Variants in MRTO4 observed in about 807,000 individuals in gnomAD.
MRTO4 encodes the protein MRT4 homolog, ribosome maturation factor.
Under a neutral mutation model 28.6 loss-of-function variants are expected in MRTO4, and 7 were observed. The observed-to-expected ratio is 0.24, with a 90% CI of 0.14 to 0.46. The LOEUF (loss-of-function observed/expected upper bound fraction) is 0.46, where lower values mean the gene tolerates loss of function less well. Among genes scored for constraint, MRTO4 ranks in the 20% least tolerant of loss-of-function variants. The pLI is 0.99. For missense variants in MRTO4, 302 were observed against 298.3 expected, an observed-to-expected ratio of 1.01 and a Z score of -0.09; for synonymous variants, 113 against 108.2, an observed-to-expected ratio of 1.04 and a Z score of -0.27.
In MRTO4 at chr1:19,257,554, C is replaced by A. The variant is rs201484934; in HGVS notation, c.341+33C>A. 24 of 1,610,432 alleles carry A rather than the reference C, an allele frequency of 1.5e-5. No homozygotes were observed. In the African/African-American group the frequency reaches 1.9e-4, roughly 13 times the overall value. Reference sequence around the variant, plus strand: ...CTGCTGAGGAACGGAGGGAAAGAGGCGGGTGAGAGGGGATTTCAGGGAGGG... The same window carrying A: ...CTGCTGAGGAACGGAGGGAAAGAGGAGGGTGAGAGGGGATTTCAGGGAGGG... On this transcript the variant is annotated intron_variant, in intron 5 of 7. Transcript: ENST00000330263.
At chr1:19,253,777 G>C (rs1272452140) in intron 1 of MRTO4, among the ~76,000 whole-genome samples, 1 of 152,232 alleles carries the variant, frequency 6.6e-6, no homozygotes, top group Non-Finnish European at 1.5e-5. Flanking sequence ...AGAGAGGCCT[G>C]GGTCCCTTTG....
At chr1:19,253,710 T>C (rs1020368402) in intron 1 of MRTO4, among the ~76,000 whole-genome samples, 9 of 152,210 alleles carry the variant, frequency 5.9e-5, no homozygotes, top group Non-Finnish European at 1.3e-4. Flanking sequence ...ACTGATGTCA[T>C]TGTCTTTGTC....
At chr1:19,254,876 T>C (rs1287278143) in intron 2 of MRTO4, 36 bp downstream of exon 2, 3 of 1,572,290 alleles carry the variant, frequency 1.9e-6, no homozygotes. Context: ...TTGCAATTGT[T>C]TGGTTTATAA....
At chr1:19,258,269 G>A (rs2093674611) in intron 6 of MRTO4, among the ~76,000 whole-genome samples, 1 of 152,080 alleles carries the variant, frequency 6.6e-6, no homozygotes, top group South Asian at 2.1e-4. Flanking sequence ...CTAGCTACAT[G>A]GGAGGCTGAG....
Position 19,258,572 on chromosome 1 carries a change from G to C in MRTO4, c.570+19G>C, listed in dbSNP as rs374640659. On this transcript the variant is annotated intron_variant, in intron 7 of 7. Coordinates refer to ENST00000330263, the MANE Select transcript of MRTO4 (RefSeq NM_016183.4). ...CGTCCTGGTGAGTCTGGCGCCTTGC[G>C]GGCTGTTGCGGGCGGGGTTGCTGGC... 6.2e-7 allele frequency: 1 copy of C among 1,613,870 alleles called. No individual in the cohort carries two copies. The highest frequency in any genetic ancestry group is 8.5e-7 in the Non-Finnish European group (1 of 1,180,044).
chr1:19,257,959 G>A lies in MRTO4; in HGVS notation c.468G>A (p.Leu156=), dbSNP rs751995880. 1.9e-6 allele frequency: 3 copies of A among 1,613,866 alleles called. No individual in the cohort carries two copies. The highest frequency in any genetic ancestry group is 2.7e-5 in the African/African-American group (2 of 74,944). ...CCATGGAGCCACAGCTCAGGCAGCT[G>A]GGCCTGCCCACCGCCCTCAAGAGAG... ...PHSMEPQLRQ[L]GLPTALKRGV... The change falls in exon 6 of 8, where the codon CTG becomes CTA. Residue 156 remains leucine, a synonymous_variant. Transcript: ENST00000330263.
Position 19,257,874 on chromosome 1 carries a change from G to T in MRTO4, c.383G>T (p.Gly128Val), listed in dbSNP as rs757441207. The change falls in exon 6 of 8, where the codon GGT becomes GTT. Residue 128 changes from glycine (G) to valine (V), a missense_variant. Transcript: ENST00000330263. ...ACAGAAATGGACTACGCCCGAGCTG[G>T]TAACAAAGCAGCTTTCACTGTGAGC... is the stretch of plus-strand genomic sequence containing the variant. ...KYTEMDYARA[G>V]NKAAFTVSLD... 1.2e-6 allele frequency: 2 copies of T among 1,614,010 alleles called. No individual in the cohort carries two copies. The highest frequency in any genetic ancestry group is 1.1e-5 in the South Asian group (1 of 91,084).
In MRTO4 at chr1:19,258,751, G is replaced by C; in HGVS notation, c.641G>C (p.Arg214Thr). The change falls in exon 8 of 8, where the codon AGG (arginine) becomes ACG (threonine). Residue 214 changes from arginine (R) to threonine (T), a missense_variant. By Grantham distance (71) the Arg-to-Thr change is moderately conservative (BLOSUM62 -1). Transcript: ENST00000330263. The stretch of plus-strand genomic sequence containing the variant: ...TACATGTGGGATTCACAGTCGGGAA[G>C]GTTCCAGCAGATGGGAGACGACTTG... ...IKYMWDSQSGRFQQMGDDLPE... is the reference protein window; with the variant it reads ...IKYMWDSQSGTFQQMGDDLPE... The C allele has an allele frequency of 1.2e-6, 2 of 1,614,230 alleles. No individual in the cohort carries two copies. Among genetic ancestry groups the C allele is most frequent in the Non-Finnish European group, 8.5e-7 (1 of 1,180,046 alleles).
chr1:19,252,271 G>C (rs2093662751), intron 1 of MRTO4: 1 of 247,434 alleles, frequency 4.0e-6, no homozygotes, highest in Admixed American at 5.1e-5. Flanking sequence ...GTCTGGCGTT[G>C]TGTGTCTGCG....
Position 19,257,826 on chromosome 1 carries a change from C to T in MRTO4, c.342-7C>T, listed in dbSNP as rs2093673782. ...CATCTCCTCCTACCACTTCTCTTTT[C>T]CCTTAGGTGGTTCACGAAATACACA... is the stretch of plus-strand genomic sequence containing the variant. On this transcript the variant is annotated splice_region_variant and splice_polypyrimidine_tract_variant and intron_variant, in intron 5 of 7. Transcript: ENST00000330263. 1 of 1,612,050 alleles carries T rather than the reference C, an allele frequency of 6.2e-7. No individual in the cohort carries two copies. The highest frequency in any genetic ancestry group is 8.5e-7 in the Non-Finnish European group (1 of 1,179,796).
rs766494076 is a variant in MRTO4 at position 19,254,809 on chromosome 1, G to C, written c.56G>C (p.Gly19Ala). The change falls in exon 2 of 8, where the codon GGC (glycine) becomes GCC (alanine). Residue 19 changes from glycine to alanine, a missense_variant. Transcript: ENST00000330263. ...KVSLTKTAKKGLELKQNLIEE... is the reference protein window; with the variant it reads ...KVSLTKTAKKALELKQNLIEE... ...TCCTTAACCAAAACTGCCAAGAAAG[G>C]CTTGGAATTGAAACAAAACCTGATA... 3.1e-6 allele frequency: 5 copies of C among 1,610,080 alleles called. No homozygotes were observed. Among genetic ancestry groups the C allele is most frequent in the African/African-American group, 1.3e-5 (1 of 74,450 alleles).
intron 2 of MRTO4, 126 bp from the exon 3 acceptor site, chr1:19,255,822 G>C: frequency 1.3e-6 from 1 of 743,820 alleles, no homozygotes; most frequent in South Asian, 1.8e-5. Flanking sequence ...CCAAATTAGA[G>C]GCCTCCAGTT....
Position 19,257,522 on chromosome 1 carries a change from G to C in MRTO4, c.341+1G>C. On this transcript the variant is annotated splice_donor_variant, in intron 5 of 7. Coordinates refer to ENST00000330263, the MANE Select transcript of MRTO4 (RefSeq NM_016183.4). LOFTEE classifies it high-confidence loss of function. Reference sequence around the variant, plus strand: ...ACCGCACAAAGGAGGAGGTGAATGAGTAAGTACTGCTGAGGAACGGAGGGA... The same window carrying C: ...ACCGCACAAAGGAGGAGGTGAATGACTAAGTACTGCTGAGGAACGGAGGGA... 1 of 1,614,204 alleles carries C rather than the reference G, an allele frequency of 6.2e-7. No individual in the cohort carries two copies. Among genetic ancestry groups the C allele is most frequent in the Non-Finnish European group, 8.5e-7 (1 of 1,180,006 alleles).
At chr1:19,255,487 A>G (rs2093670139) in intron 2 of MRTO4, among the ~76,000 whole-genome samples, 1 of 151,190 alleles carries the variant, frequency 6.6e-6, no homozygotes, top group South Asian at 2.1e-4. Flanking sequence ...TGACCTGCCA[A>G]CCTGGGCTGC....
chr1:19,258,018 C>T (rs1258664455), intron 6 of MRTO4, 34 bp downstream of exon 6: 1 of 1,607,810 alleles, frequency 6.2e-7, no homozygotes, highest in East Asian at 2.2e-5. Flanking sequence ...AGGTCACAGC[C>T]TAGAGTCCAA....
intron 1 of MRTO4, among the ~76,000 whole-genome samples, chr1:19,253,737 AAG>A (rs1224590397): frequency 6.6e-6 from 1 of 152,146 alleles, no homozygotes; most frequent in Non-Finnish European, 1.5e-5. Context: ...GTACCTAGTT[AAG>A]AGGGGCTGAG....
rs1426332165 is a variant in MRTO4, at chr1:19,256,058, G to A, written c.191+7G>A. On this transcript the variant is annotated splice_region_variant and intron_variant, in intron 3 of 7. Coordinates refer to ENST00000330263, the MANE Select transcript of MRTO4 (RefSeq NM_016183.4). Reference sequence around the variant, plus strand: ...ACGCCTGGAAGCACAGCCGGTGAGCGGGCAGGGGGAGGAAGGCCCTTCTGA... The same window carrying A: ...ACGCCTGGAAGCACAGCCGGTGAGCAGGCAGGGGGAGGAAGGCCCTTCTGA... The A allele has an allele frequency of 6.8e-6, 11 of 1,613,422 alleles. No individual in the cohort carries two copies. Among genetic ancestry groups the A allele is most frequent in the African/African-American group, 1.3e-5 (1 of 74,894 alleles).
chr1:19,251,910 G>C, intron 1 of MRTO4, 47 bp downstream of exon 1: 1 of 1,569,476 alleles, frequency 6.4e-7, no homozygotes, highest in Non-Finnish European at 8.6e-7. Context: ...CCGTGGGCTG[G>C]CTACCCAGCC....
Position 19,251,857 on chromosome 1 carries a change from A to G in MRTO4, c.22A>G (p.Lys8Glu). The G allele has an allele frequency of 3.1e-6, 5 of 1,591,834 alleles. No homozygotes were observed. The highest frequency in any genetic ancestry group is 3.4e-6 in the Non-Finnish European group (4 of 1,169,796). MPKSKRD[K>E]KVSLTKTAKK... The stretch of plus-strand genomic sequence containing the variant: ...CGCGATGCCCAAATCCAAGCGCGAC[A>G]AGAAAGGTGGGCGAAGGGGGAGTCG... The change falls in exon 1 of 8, where the codon AAG becomes GAG. Residue 8 changes from lysine (K) to glutamate (E), a missense_variant. Lys to Glu is a moderately conservative substitution (Grantham distance 56). Coordinates refer to ENST00000330263, the MANE Select transcript of MRTO4 (RefSeq NM_016183.4).
Sources: allele counts gnomAD v4.1 joint callset (sites outside exome capture counted in the v4.1 genomes callset), GRCh38; gene constraint gnomAD v4.1.1; transcripts MANE v1.5; gene names NCBI Gene and HGNC (gene_info 2026-07-23, HGNC 2026-07-21).